Variants in APBB1IP observed in about 807,000 individuals in gnomAD.
The protein encoded by APBB1IP is amyloid beta precursor protein binding family B member 1 interacting protein.
In APBB1IP, 27 loss-of-function variants were observed where a neutral mutation model predicts 64.9. The observed-to-expected ratio is 0.42, with a 90% CI of 0.31 to 0.57. APBB1IP has a LOEUF of 0.57. APBB1IP is among the 20% of genes least tolerant of loss of function. The probability of loss-of-function intolerance (pLI) is 0.20; values close to 1 mark genes in which losing one functional copy is unlikely to be tolerated. For synonymous variants in APBB1IP, 392 were observed against 331.0 expected (o/e 1.18, Z -2.00); for missense variants, 812 against 845.5 (o/e 0.96, Z 0.49).
Position 26,533,484 on chromosome 10 carries a change from A to G in APBB1IP, c.859A>G (p.Asn287Asp). Residue 287 changes from asparagine to aspartate, a missense_variant, in exon 9 of 15, where the codon AAT (asparagine) becomes GAT (aspartate). By Grantham distance (23) the Asn-to-Asp change is conservative. Coordinates refer to ENST00000376236, the MANE Select transcript of APBB1IP (RefSeq NM_019043.4). The stretch of plus-strand genomic sequence containing the variant: ...AGGAAAAAAAGAAAGCAAGGAAACT[A>G]ATGAGAAAATGAATGCTAAGAACAA... ...NRGKKESKET[N>D]EKMNAKNKES... 1.9e-6 allele frequency: 3 copies of G among 1,605,936 alleles called. No individual in the cohort carries two copies. The highest frequency in any genetic ancestry group is 2.5e-6 in the Non-Finnish European group (3 of 1,176,838).
chr10:26,457,821 T>C (rs1018758109), intron 2 of APBB1IP, among the ~76,000 whole-genome samples: 1 of 152,202 alleles, frequency 6.6e-6, no homozygotes, highest in Non-Finnish European at 1.5e-5. Flanking sequence ...AGAGATTAGA[T>C]AACAGGAATA....
Position 26,567,152 on chromosome 10 carries a change from G to A in APBB1IP, c.1665G>A (p.Pro555=). The A allele has an allele frequency of 1.4e-6, 2 of 1,415,248 alleles. No homozygotes were observed. The highest frequency in any genetic ancestry group is 2.9e-5 in the South Asian group (2 of 69,296). 87.7% of individuals were successfully genotyped at this position (1,415,248 alleles called of 1,614,324 possible). ...CCGCCCCACCCGACGACTTCCTGCC[G>A]CCGCCGCCACCGCCGCCGCCCCTCG... ...GLPAPPDDFL[P]PPPPPPPLDD... is the part of the protein sequence containing the mutation. Residue 555 remains proline (P), a synonymous_variant, in exon 15 of 15, where the codon CCG becomes CCA. Transcript: ENST00000376236.
At chr10:26,519,317 A>G (rs1347133644) in intron 8 of APBB1IP, among the ~76,000 whole-genome samples, 1 of 152,176 alleles carries the variant, frequency 6.6e-6, no homozygotes, top group Non-Finnish European at 1.5e-5. Context: ...AAAGAGGTTT[A>G]ATGGGCTCAT....
At chr10:26,455,494 C>A (rs1835513713) in intron 2 of APBB1IP, among the ~76,000 whole-genome samples, 1 of 149,840 alleles carries the variant, frequency 6.7e-6, no homozygotes, top group African/African-American at 2.5e-5. Context: ...CATCACTGCA[C>A]TCCAGCCTGG....
At chr10:26,526,702 GAGTGAGACTCTGTCTC>G (rs1482821357) in intron 8 of APBB1IP, among the ~76,000 whole-genome samples, 7 of 151,216 alleles carry the variant, frequency 4.6e-5, no homozygotes, top group Admixed American at 1.3e-4. Flanking sequence ...CTGGGCAACA[GAGTGAGACTCTGTCTC>G]AAAATAATAA....
At chr10:26,440,090 G>A (rs1023048778) in intron 2 of APBB1IP, among the ~76,000 whole-genome samples, 2 of 152,180 alleles carry the variant, frequency 1.3e-5, no homozygotes, top group African/African-American at 4.8e-5. Flanking sequence ...TATTAATAAT[G>A]TGTGTCCTTA....
intron 2 of APBB1IP, among the ~76,000 whole-genome samples, chr10:26,448,535 G>A (rs1564347399): frequency 6.6e-6 from 1 of 152,266 alleles, no homozygotes; most frequent in East Asian, 1.9e-4. Context: ...ACTATGTGTT[G>A]ACTATGCAAC....
chr10:26,541,742 T>A (rs920818945), intron 11 of APBB1IP, 50 bp downstream of exon 11: 69 of 1,352,794 alleles, frequency 5.1e-5, no homozygotes, highest in Non-Finnish European at 6.2e-5. Context: ...TTTGAGTTAA[T>A]TTTTTTTCAA....
intron 8 of APBB1IP, among the ~76,000 whole-genome samples, chr10:26,518,935 G>T (rs10764629): frequency 0.63 from 96,247 of 151,934 alleles, 30,833 homozygotes; most frequent in Admixed American, 0.72. Context: ...CATTTCTAGC[G>T]GTTTTGTGTA....
rs1209120585 is a variant in APBB1IP at position 26,567,316 on chromosome 10, C to A, written c.1829C>A (p.Pro610His). 1 of 1,218,632 alleles carries A rather than the reference C, an allele frequency of 8.2e-7. No homozygotes were observed. Among genetic ancestry groups the A allele is most frequent in the Non-Finnish European group, 1.0e-6 (1 of 961,784 alleles). 75.5% of individuals were successfully genotyped at this position (1,218,632 alleles called of 1,614,324 possible). ...PPPPPPPAPAPAPVPDSARPP... is the reference protein window; with the variant it reads ...PPPPPPPAPAHAPVPDSARPP... ...CCGCCGCCGCCGCCCGCGCCCGCGC[C>A]CGCCCCCGTCCCCGACTCCGCCAGG... is the stretch of plus-strand genomic sequence containing the variant. Residue 610 changes from proline to histidine, a missense_variant, in exon 15 of 15, where the codon CCC (proline) becomes CAC (histidine). Pro to His is a moderately conservative substitution (Grantham distance 77, BLOSUM62 -2). Coordinates refer to ENST00000376236, the MANE Select transcript of APBB1IP (RefSeq NM_019043.4).
chr10:26,536,149 T>C lies in APBB1IP; in HGVS notation c.976T>C (p.Ser326Pro). 4.4e-6 allele frequency: 7 copies of C among 1,608,032 alleles called. No individual in the cohort carries two copies. The highest frequency in any genetic ancestry group is 5.9e-6 in the Non-Finnish European group (7 of 1,177,950). ...TTATTTGAAAGAAGATGGAAAGAAA[T>C]CCTGGAAAAGGCGCTATTTTCTTTT... is the stretch of plus-strand genomic sequence containing the variant. ...ALYLKEDGKK[S>P]WKRRYFLLRA... The change falls in exon 10 of 15, where the codon TCC becomes CCC. Residue 326 changes from serine to proline, a missense_variant. Coordinates refer to ENST00000376236, the MANE Select transcript of APBB1IP (RefSeq NM_019043.4).
At chr10:26,541,763 G>T (rs1293252130) in intron 11 of APBB1IP, 71 bp downstream of exon 11, 3 of 1,154,608 alleles carry the variant, frequency 2.6e-6, no homozygotes, top group Admixed American at 2.7e-5. Context: ...GGAAGAAAAT[G>T]TTAAATTATA....
intron 10 of APBB1IP, among the ~76,000 whole-genome samples, chr10:26,537,785 T>C (rs770480690): frequency 2.0e-5 from 3 of 151,734 alleles, no homozygotes; most frequent in Admixed American, 6.6e-5. Flanking sequence ...AATACAAAAA[T>C]TAGCTGGGTG....
At chr10:26,524,955 CTTTTTTT>C (rs56982662) in intron 8 of APBB1IP, among the ~76,000 whole-genome samples, 9 of 73,972 alleles carry the variant, frequency 1.2e-4, no homozygotes, top group Non-Finnish European at 2.6e-5. Flanking sequence ...TTCTTTCTTT[CTTTTTTT>C]TTTTTTTTTT....
At chr10:26,504,892 C>T (rs1277780780) in intron 6 of APBB1IP, among the ~76,000 whole-genome samples, 2 of 152,082 alleles carry the variant, frequency 1.3e-5, no homozygotes, top group African/African-American at 2.4e-5. Context: ...GTAGCTGGAA[C>T]CACAGGCATG....
At chr10:26,522,714 A>C (rs2132454192) in intron 8 of APBB1IP, among the ~76,000 whole-genome samples, 1 of 152,220 alleles carries the variant, frequency 6.6e-6, no homozygotes, top group East Asian at 1.9e-4. Context: ...TATTAATTAA[A>C]TATAAAAAGC....
At chr10:26,536,308 C>T in intron 10 of APBB1IP, 91 bp downstream of exon 10, 1 of 1,357,460 alleles carries the variant, frequency 7.4e-7, no homozygotes, top group Non-Finnish European at 9.9e-7. Context: ...TAAATACATT[C>T]TCTGTTGCTG....
chr10:26,489,305 A>G (rs963620830), intron 2 of APBB1IP, among the ~76,000 whole-genome samples: 16 of 152,190 alleles, frequency 1.1e-4, no homozygotes, highest in African/African-American at 3.6e-4. Flanking sequence ...GAACATTCAG[A>G]TGGAAAATGT....
intron 2 of APBB1IP, among the ~76,000 whole-genome samples, chr10:26,467,356 A>T (rs1255185053): frequency 7.0e-6 from 1 of 142,884 alleles, no homozygotes; most frequent in South Asian, 2.1e-4. Context: ...CCTTTAAATT[A>T]AAAAAAAAAA....
Sources: allele counts gnomAD v4.1 joint callset (sites outside exome capture counted in the v4.1 genomes callset), GRCh38; gene constraint gnomAD v4.1.1; transcripts MANE v1.5; gene names NCBI Gene and HGNC (gene_info 2026-07-23, HGNC 2026-07-21).